The following TEPSIN variants were observed in gnomAD, a reference collection of about 807,000 sequenced individuals.
TEPSIN encodes the protein TEPSIN adaptor related protein complex 4 accessory protein.
In TEPSIN, 50 loss-of-function variants were observed where a neutral mutation model predicts 48.5. That is an observed-to-expected ratio of 1.03 (90% CI 0.82 to 1.31). The LOEUF (loss-of-function observed/expected upper bound fraction) is 1.31. Ranked by LOEUF, TEPSIN falls within the 50% of genes most tolerant of loss-of-function variation. The probability of loss-of-function intolerance (pLI) is 0.00; values close to 1 mark genes in which losing one functional copy is unlikely to be tolerated. For synonymous variants in TEPSIN, 392 were observed against 358.8 expected, an observed-to-expected ratio of 1.09 and a Z score of -1.05; for missense variants, 838 against 815.9, an observed-to-expected ratio of 1.03 and a Z score of -0.33.
At position 81,231,335 on chromosome 17, in the gene TEPSIN, GCACACACAC is replaced by G. The variant is rs1567902500; in HGVS notation, c.1098+54_1098+62del. The G allele has an allele frequency of 1.3e-5, 18 of 1,370,032 alleles. No homozygotes were observed. In the African/African-American group the frequency reaches 4.0e-4, roughly 31 times the overall value. 84.9% of individuals were successfully genotyped at this position (1,370,032 alleles called of 1,614,324 possible). On this transcript the variant is annotated intron_variant, in intron 11 of 12. Coordinates refer to ENST00000637944, the MANE Select transcript of TEPSIN (RefSeq NM_001363764.2). ...GGCACACGTGCACACACACGCACAC[GCACACACAC>G]GCACACAGGCACATGCACACAGTCA... is the stretch of plus-strand genomic sequence containing the variant.
At chr17:81,237,937 G>A (rs911588422) in intron 1 of TEPSIN, 2 of 995,888 alleles carry the variant, frequency 2.0e-6, no homozygotes, top group Admixed American at 5.1e-5. Flanking sequence ...CCCGAGAACC[G>A]ACTGATGTCG....
chr17:81,238,586 G>A, intron 1 of TEPSIN: 1 of 1,075,018 alleles, frequency 9.3e-7, no homozygotes, highest in Non-Finnish European at 1.1e-6. Context: ...TCCAGGACCG[G>A]AGTCCTCTGA....
intron 4 of TEPSIN, 175 bp downstream of exon 4, chr17:81,236,533 G>A: frequency 1.4e-6 from 1 of 697,576 alleles, no homozygotes; most frequent in Non-Finnish European, 2.4e-6. Flanking sequence ...GTGAGGGTGG[G>A]CAGCAGGTGG....
At position 81,234,034 on chromosome 17, in the gene TEPSIN, G is replaced by C. The variant is rs1374033670; in HGVS notation, c.322C>G (p.Pro108Ala). ...AAGCTGTTCCCGTGCAGAGGATCTG[G>C]GGGCCCTGCAAAAGCTGCAGAACAG... ...IQEAAAFAGP[P>A]DPLHGNSLYQ... The change falls in exon 5 of 13, where the codon CCA becomes GCA. Residue 108 changes from proline to alanine, a missense_variant. By Grantham distance (27) the Pro-to-Ala change is conservative. Transcript: ENST00000637944. This position sits in a 1 kb window ranked among gnomAD's most constrained non-coding sequence, Gnocchi z 5.4. The C allele has an allele frequency of 6.3e-7, 1 of 1,593,630 alleles. No homozygotes were observed. The highest frequency in any genetic ancestry group is 8.5e-7 in the Non-Finnish European group (1 of 1,173,976).
chr17:81,237,495 G>T (rs759188677), intron 1 of TEPSIN, 36 bp from the exon 2 acceptor site: 1 of 1,580,948 alleles, frequency 6.3e-7, no homozygotes, highest in Non-Finnish European at 8.6e-7. Flanking sequence ...ATGATGAGGT[G>T]CCATTTCCCA....
intron 4 of TEPSIN, among the ~76,000 whole-genome samples, chr17:81,235,056 A>C (rs2146845171): frequency 6.6e-6 from 1 of 152,274 alleles, no homozygotes; most frequent in African/African-American, 2.4e-5. Context: ...GGAAGATGCC[A>C]GCTTCGAGAA....
In TEPSIN at chr17:81,230,475, G is replaced by A. The variant is rs1419721582; in HGVS notation, c.1233+69C>T. 56 of 1,578,676 alleles carry A rather than the reference G, an allele frequency of 3.5e-5. No individual in the cohort carries two copies. Among genetic ancestry groups the A allele is most frequent in the Admixed American group, 1.7e-4 (10 of 57,868 alleles). ...GGCGCCGGGCAGGGACGGGGTGGCC[G>A]TGGACTGCAGCGTATCTCCCACTGT... is the stretch of plus-strand genomic sequence containing the variant. On this transcript the variant is annotated intron_variant, in intron 12 of 12. Transcript: ENST00000637944. This position sits in a 1 kb window ranked among gnomAD's most constrained non-coding sequence, Gnocchi z 4.2.
In TEPSIN at chr17:81,231,831, G is replaced by A. The variant is rs774468955; in HGVS notation, c.905+16C>T. 1 of 1,611,856 alleles carries A rather than the reference G, an allele frequency of 6.2e-7. No individual in the cohort carries two copies. Among genetic ancestry groups the A allele is most frequent in the Non-Finnish European group, 8.5e-7 (1 of 1,179,552 alleles). Reference sequence around the variant, plus strand: ...CCTCCGAGACCTCTCCCACATATCTGGCAGCTCCCGCTCACCTTTCTGCCA... The same window carrying A: ...CCTCCGAGACCTCTCCCACATATCTAGCAGCTCCCGCTCACCTTTCTGCCA... On this transcript the variant is annotated intron_variant, in intron 9 of 12. Transcript: ENST00000637944.
At chr17:81,235,468 C>T (rs574463232) in intron 4 of TEPSIN, among the ~76,000 whole-genome samples, 60 of 152,304 alleles carry the variant, frequency 3.9e-4, no homozygotes, top group Non-Finnish European at 8.4e-4. Flanking sequence ...TGTCCAGGCA[C>T]GGCAGGCAAC....
At position 81,233,366 on chromosome 17, in the gene TEPSIN, G is replaced by A; in HGVS notation, c.526+66C>T. 5 of 1,564,650 alleles carry A rather than the reference G, an allele frequency of 3.2e-6. No homozygotes were observed. Among genetic ancestry groups the A allele is most frequent in the Non-Finnish European group, 4.3e-6 (5 of 1,153,652 alleles). ...CTACTAGATGGGGCGGCATGGTCCGGCCCCCACCACCTCCTCATCCCCACA... is the reference window on the plus strand; with the variant it reads ...CTACTAGATGGGGCGGCATGGTCCGACCCCCACCACCTCCTCATCCCCACA... On this transcript the variant is annotated intron_variant, in intron 7 of 12. Transcript: ENST00000637944. The surrounding 1 kb of genome is among the most constrained non-coding windows in gnomAD (Gnocchi z 5.8).
Position 81,233,684 on chromosome 17 carries a change from C to T in TEPSIN, c.408G>A (p.Val136=). The T allele has an allele frequency of 6.2e-7, 1 of 1,600,432 alleles. No individual in the cohort carries two copies. Among genetic ancestry groups the T allele is most frequent in the Non-Finnish European group, 8.5e-7 (1 of 1,175,828 alleles). ...DLGSTLFSDT[V]LPLAPSQPLG... The stretch of plus-strand genomic sequence containing the variant: ...GAGGCTGGGAGGGAGCCAGCGGCAA[C>T]ACGGTGTCCGAGAACAGGGTGCTCC... Residue 136 remains valine (V), a synonymous_variant, in exon 6 of 13, where the codon GTG becomes GTA. Coordinates refer to ENST00000637944, the MANE Select transcript of TEPSIN (RefSeq NM_001363764.2). The surrounding 1 kb of genome is among the most constrained non-coding windows in gnomAD (Gnocchi z 5.8).
In TEPSIN at chr17:81,229,844, C is replaced by T. The variant is rs377236691; in HGVS notation, c.1234-368G>A. 1.2e-3 allele frequency: 345 copies of T among 297,436 alleles called. 7 individuals are homozygous for T. In the South Asian group the frequency reaches 0.015, roughly 13 times the overall value. 18.4% of individuals were successfully genotyped at this position (297,436 alleles called of 1,614,324 possible). A position where few individuals can be genotyped will look rare whatever the true frequency, so the allele number is the denominator to read the frequency against. ...CCAACTGTTGGACGCAGGGTTCTTCCAGCATGCCCGTTTTAGAAACCCCAC... is the reference window on the plus strand; with the variant it reads ...CCAACTGTTGGACGCAGGGTTCTTCTAGCATGCCCGTTTTAGAAACCCCAC... On this transcript the variant is annotated intron_variant, in intron 12 of 12. Transcript: ENST00000637944.
rs766322227 is a variant in TEPSIN at position 81,229,048 on chromosome 17, C to T, written c.1662G>A (p.Gly554=). ...CAGGACAGGACTCTCCCGCAGCAGC[C>T]CCAGCCCCCACCAGGCGGGGACAGG... The part of the protein sequence containing the change: ...LVACPRLVGA[G]AAAGESCPDA... Residue 554 remains glycine, a synonymous_variant, in exon 13 of 13, where the codon GGG becomes GGA. Transcript: ENST00000637944. 6.2e-7 allele frequency: 1 copy of T among 1,613,432 alleles called. No individual in the cohort carries two copies. The highest frequency in any genetic ancestry group is 1.1e-5 in the South Asian group (1 of 91,068).
At position 81,230,512 on chromosome 17, in the gene TEPSIN, C is replaced by T. The variant is rs2062570574; in HGVS notation, c.1233+32G>A. 3 of 1,608,048 alleles carry T rather than the reference C, an allele frequency of 1.9e-6. No individual in the cohort carries two copies. ...GTATCTCCCACTGTACCCTTGGACC[C>T]CGGTGTGCGTGTGGCCTCCGCAGCT... is the stretch of plus-strand genomic sequence containing the variant. On this transcript the variant is annotated intron_variant, in intron 12 of 12. Transcript: ENST00000637944. This position sits in a 1 kb window ranked among gnomAD's most constrained non-coding sequence, Gnocchi z 4.2.
At position 81,230,242 on chromosome 17, in the gene TEPSIN, T is replaced by G; in HGVS notation, c.1233+302A>C. On this transcript the variant is annotated intron_variant, in intron 12 of 12. Transcript: ENST00000637944. The surrounding 1 kb of genome is among the most constrained non-coding windows in gnomAD (Gnocchi z 4.2). ...GTCAGGGAGGGCTTCCTGGAAGAGG[T>G]AAGTGTGAGGCCAAGACACAAGGGC... 1 of 398,856 alleles carries G rather than the reference T, an allele frequency of 2.5e-6. No homozygotes were observed. Among genetic ancestry groups the G allele is most frequent in the Non-Finnish European group, 4.6e-6 (1 of 219,352 alleles). The allele number at this position is 398,856 out of a possible 1,614,324, so 24.7% of individuals were successfully genotyped here.
intron 7 of TEPSIN, 174 bp from the exon 8 acceptor site, chr17:81,232,692 C>T: frequency 1.7e-6 from 1 of 599,488 alleles, no homozygotes; most frequent in Non-Finnish European, 2.9e-6. Flanking sequence ...TCCCAGTGGA[C>T]TCCGCTTTGG....
Position 81,233,113 on chromosome 17 carries a change from T to G in TEPSIN, c.526+319A>C. On this transcript the variant is annotated intron_variant, in intron 7 of 12. Coordinates refer to ENST00000637944, the MANE Select transcript of TEPSIN (RefSeq NM_001363764.2). This position sits in a 1 kb window ranked among gnomAD's most constrained non-coding sequence, Gnocchi z 5.8. ...ACAGCTCCACACGGGACTGCCTGAGTCACCTGCACCACAGCCAGGGGCACA... is the reference window on the plus strand; with the variant it reads ...ACAGCTCCACACGGGACTGCCTGAGGCACCTGCACCACAGCCAGGGGCACA... 1 of 461,124 alleles carries G rather than the reference T, an allele frequency of 2.2e-6. No homozygotes were observed. The allele number at this position is 461,124 out of a possible 1,614,324, so 28.6% of individuals were successfully genotyped here.
Position 81,233,256 on chromosome 17 carries a change from C to A in TEPSIN, c.526+176G>T, listed in dbSNP as rs916626473. On this transcript the variant is annotated intron_variant, in intron 7 of 12. Coordinates refer to ENST00000637944, the MANE Select transcript of TEPSIN (RefSeq NM_001363764.2). The surrounding 1 kb of genome is among the most constrained non-coding windows in gnomAD (Gnocchi z 5.8). ...GCAGCCCTGGCCACACCTGCCCCAC[C>A]CCCACGTCAGCAGCCAGAGAGAGAC... 12 of 746,022 alleles carry A rather than the reference C, an allele frequency of 1.6e-5. No homozygotes were observed. The highest frequency in any genetic ancestry group is 1.4e-4 in the African/African-American group (8 of 56,424). The allele number at this position is 746,022 out of a possible 1,614,324, so 46.2% of individuals were successfully genotyped here.
chr17:81,231,446 C>A lies in TEPSIN; in HGVS notation c.1050G>T (p.Leu350=). Residue 350 remains leucine, a synonymous_variant, in exon 11 of 13, where the codon CTG becomes CTT. Transcript: ENST00000637944. ...ACGLLNCEAV[L]QLLTCHLRGT... ...CACGCAGGTGGCAGGTCAGCAGCTGCAGCACGGCCTCACAGTTGAGCAGTC... is the reference window on the plus strand; with the variant it reads ...CACGCAGGTGGCAGGTCAGCAGCTGAAGCACGGCCTCACAGTTGAGCAGTC... The A allele has an allele frequency of 6.4e-7, 1 of 1,568,252 alleles. No individual in the cohort carries two copies. Among genetic ancestry groups the A allele is most frequent in the Non-Finnish European group, 8.6e-7 (1 of 1,156,616 alleles).
Sources: gnomAD v4.1 joint callset for allele counts (sites outside exome capture counted in the v4.1 genomes callset) on GRCh38, gnomAD v4.1.1 for gene constraint, Gnocchi (gnomAD v3.1) non-coding constraint, MANE v1.5 for transcripts, NCBI Gene and HGNC (gene_info 2026-07-23, HGNC 2026-07-21) for gene names.